MTX2: variants seen among roughly 807,000 people sequenced by gnomAD.
MTX2 encodes metaxin-2.
In MTX2, 35 loss-of-function variants were observed where a neutral mutation model predicts 42.3. The ratio of observed to expected loss-of-function variants is 0.83; its 90% CI spans 0.63 to 1.10. The LOEUF (loss-of-function observed/expected upper bound fraction) is 1.10, where lower values mean the gene tolerates loss of function less well. Ranked by LOEUF, MTX2 falls within the 50% of genes least tolerant of loss-of-function variation. The pLI is 0.00. For synonymous variants in MTX2, 119 were observed against 100.9 expected, an observed-to-expected ratio of 1.18 and a Z score of -1.08; for missense variants, 307 against 304.1, an observed-to-expected ratio of 1.01 and a Z score of -0.07.
chr2:176,316,250 A>T (rs1216443440), intron 3 of MTX2, among the ~76,000 whole-genome samples: 1 of 152,200 alleles, frequency 6.6e-6, no homozygotes, highest in Non-Finnish European at 1.5e-5. Flanking sequence ...AAACAGCCTC[A>T]TGAAAAGCAA....
At chr2:176,315,381 A>G (rs906945777) in intron 3 of MTX2, among the ~76,000 whole-genome samples, 1 of 152,160 alleles carries the variant, frequency 6.6e-6, no homozygotes, top group African/African-American at 2.4e-5. Flanking sequence ...TCGAGTTATC[A>G]GCAGAACTTC....
intron 4 of MTX2, among the ~76,000 whole-genome samples, chr2:176,325,638 A>C (rs931447033): frequency 6.6e-6 from 1 of 151,830 alleles, no homozygotes; most frequent in Non-Finnish European, 1.5e-5. Context: ...TTGTCTAGGT[A>C]CTAAATAGTT....
rs1202154094 is a variant in MTX2, at chr2:176,324,977, C to G, written c.208+1513C>G. Among the ~76,000 whole-genome samples, 3 of 151,652 alleles carry G rather than the reference C, an allele frequency of 2.0e-5. No homozygotes were observed. In the East Asian group the frequency reaches 5.8e-4, roughly 29 times the overall value. ...AGATTTTTAAAGCAGAGAGCATGGA[C>G]TAGTCAGAAGACCAGTTGACTTAAA... On this transcript the variant is annotated intron_variant, in intron 4 of 9. Coordinates refer to ENST00000249442, the MANE Select transcript of MTX2 (RefSeq NM_006554.5).
At chr2:176,277,305 A>C (rs983952816) in intron 1 of MTX2, among the ~76,000 whole-genome samples, 1 of 152,262 alleles carries the variant, frequency 6.6e-6, no homozygotes, top group Non-Finnish European at 1.5e-5. Context: ...TATTGCTCAC[A>C]ATGAAGAAAA....
intron 9 of MTX2, among the ~76,000 whole-genome samples, chr2:176,331,472 C>A (rs543706302): frequency 4.0e-5 from 6 of 150,778 alleles, no homozygotes; most frequent in Non-Finnish European, 7.4e-5. Context: ...TGTGTTATAT[C>A]GTCATAAGCA....
chr2:176,330,619 C>G lies in MTX2; in HGVS notation c.579C>G (p.Leu193=). The G allele has an allele frequency of 6.3e-7, 1 of 1,595,146 alleles. No individual in the cohort carries two copies. The highest frequency in any genetic ancestry group is 8.6e-7 in the Non-Finnish European group (1 of 1,167,602). ...ATGTAGACCAGTGCTGTCAAGCTCT[C>G]TCTCAAAGACTGGGAACACAACCGT... ...LEDVDQCCQA[L]SQRLGTQPYF... Residue 193 remains leucine, a synonymous_variant, in exon 9 of 10, where the codon CTC becomes CTG. Coordinates refer to ENST00000249442, the MANE Select transcript of MTX2 (RefSeq NM_006554.5).
chr2:176,323,552 C>G (rs1355219406), intron 4 of MTX2, 88 bp downstream of exon 4: 8 of 1,249,466 alleles, frequency 6.4e-6, no homozygotes, highest in Non-Finnish European at 9.0e-6. Flanking sequence ...TGTTAAAATG[C>G]CTGATTTTTT....
intron 1 of MTX2, among the ~76,000 whole-genome samples, chr2:176,282,721 T>TTTTA (rs34031577): frequency 6.6e-6 from 1 of 151,770 alleles, no homozygotes. Context: ...TTTTTTTTTT[T>TTTTA]GAGATGGAGT....
intron 3 of MTX2, among the ~76,000 whole-genome samples, chr2:176,310,956 C>T (rs1005667890): frequency 2.0e-5 from 3 of 152,158 alleles, no homozygotes; most frequent in Non-Finnish European, 4.4e-5. Context: ...CGAGGAGCTG[C>T]TATCCTTTGG....
intron 1 of MTX2, among the ~76,000 whole-genome samples, chr2:176,292,265 A>G (rs1391524791): frequency 6.6e-6 from 1 of 152,214 alleles, no homozygotes; most frequent in Non-Finnish European, 1.5e-5. Context: ...GAGTCATGAC[A>G]TTTTATTTAC....
At position 176,330,794 on chromosome 2, in the gene MTX2, G is replaced by A; in HGVS notation, c.620+134G>A. 6 of 626,770 alleles carry A rather than the reference G, an allele frequency of 9.6e-6. No individual in the cohort carries two copies. In the South Asian group the frequency reaches 1.1e-4, roughly 12 times the overall value. 38.8% of individuals were successfully genotyped at this position (626,770 alleles called of 1,614,324 possible). On this transcript the variant is annotated intron_variant, in intron 9 of 9. Coordinates refer to ENST00000249442, the MANE Select transcript of MTX2 (RefSeq NM_006554.5). ...ATTTTTGTACTCAAATATTTTTGTGGCACTTTACTCTCAGGCACAGTGCTA... is the reference window on the plus strand; with the variant it reads ...ATTTTTGTACTCAAATATTTTTGTGACACTTTACTCTCAGGCACAGTGCTA...
intron 1 of MTX2, among the ~76,000 whole-genome samples, chr2:176,283,122 G>A (rs1010277006): frequency 3.3e-5 from 5 of 152,134 alleles, no homozygotes; most frequent in Admixed American, 6.5e-5. Flanking sequence ...ACAATAAGTT[G>A]TAGAATTGGG....
intron 3 of MTX2, among the ~76,000 whole-genome samples, chr2:176,302,604 T>C (rs979899698): frequency 2.6e-5 from 4 of 151,772 alleles, no homozygotes; most frequent in African/African-American, 9.7e-5. Flanking sequence ...GCCCAGCTAT[T>C]TTTTTGTATT....
At chr2:176,310,570 A>G (rs879794507) in intron 3 of MTX2, among the ~76,000 whole-genome samples, 33 of 152,092 alleles carry the variant, frequency 2.2e-4, no homozygotes, top group Admixed American at 1.8e-3. Flanking sequence ...ACATAGTCCT[A>G]TATTTCTTGG....
At chr2:176,325,255 A>T (rs968490448) in intron 4 of MTX2, among the ~76,000 whole-genome samples, 6 of 151,748 alleles carry the variant, frequency 4.0e-5, no homozygotes. Flanking sequence ...AAGACGGTAA[A>T]CAAAGCCCTC....
At chr2:176,325,258 A>C (rs1240976114) in intron 4 of MTX2, among the ~76,000 whole-genome samples, 1 of 151,746 alleles carries the variant, frequency 6.6e-6, no homozygotes, top group Non-Finnish European at 1.5e-5. Flanking sequence ...ACGGTAAACA[A>C]AGCCCTCAGT....
Position 176,285,103 on chromosome 2 carries a change from G to A in MTX2, c.41-11757G>A, listed in dbSNP as rs561594986. Among the ~76,000 whole-genome samples the A allele has an allele frequency of 2.0e-5, 3 of 152,304 alleles. No individual in the cohort carries two copies. The Middle Eastern group carries it at 0.01, about 518-fold the overall frequency. ...AGGAGGTTAGCTAATTTAGTTGTGT[G>A]TTCACTGACTGTAGAGCAACACTAC... On this transcript the variant is annotated intron_variant, in intron 1 of 9. Transcript: ENST00000249442.
At chr2:176,302,142 T>G (rs908990739) in intron 3 of MTX2, among the ~76,000 whole-genome samples, 3 of 151,212 alleles carry the variant, frequency 2.0e-5, no homozygotes, top group Non-Finnish European at 2.9e-5. Flanking sequence ...TTTTTTTTTT[T>G]GTATGGCTTA....
At chr2:176,312,334 C>CT (rs1057401242) in intron 3 of MTX2, among the ~76,000 whole-genome samples, 5 of 151,934 alleles carry the variant, frequency 3.3e-5, no homozygotes, top group Non-Finnish European at 4.4e-5. Flanking sequence ...ATGCCAAGGA[C>CT]TAAAGTAGTA....
Sources: gnomAD v4.1 joint callset for allele counts (sites outside exome capture counted in the v4.1 genomes callset) on GRCh38, gnomAD v4.1.1 for gene constraint, MANE v1.5 for transcripts, NCBI Gene and HGNC (gene_info 2026-07-23, HGNC 2026-07-21) for gene names.